The following CLSTN2 variants were observed in gnomAD, a reference collection of about 807,000 sequenced individuals.
CLSTN2 encodes the protein calsyntenin-2.
In CLSTN2, 48 loss-of-function variants were observed where a neutral mutation model predicts 101.2. That is an observed-to-expected ratio of 0.47 (90% CI 0.38 to 0.60). CLSTN2 has a LOEUF of 0.60. Ranked by LOEUF, CLSTN2 falls within the 20% of genes least tolerant of loss-of-function variation. The pLI is 0.00. For synonymous variants in CLSTN2, 481 were observed against 463.6 expected, an observed-to-expected ratio of 1.04 and a Z score of -0.48; for missense variants, 1,160 against 1,238.2, an observed-to-expected ratio of 0.94 and a Z score of 0.95.
chr3:140,078,864 A>G (rs755707641), intron 1 of CLSTN2, among the ~76,000 whole-genome samples: 1 of 152,208 alleles, frequency 6.6e-6, no homozygotes, highest in Admixed American at 6.5e-5. Flanking sequence ...ACTTTCTGCC[A>G]GACACAGCAG....
At chr3:140,319,227 T>C (rs1293489033) in intron 2 of CLSTN2, among the ~76,000 whole-genome samples, 1 of 152,178 alleles carries the variant, frequency 6.6e-6, no homozygotes, top group Non-Finnish European at 1.5e-5. Context: ...ACAAGACACC[T>C]AGAGCCAGGG....
At chr3:139,946,348 A>G (rs949486648) in intron 1 of CLSTN2, among the ~76,000 whole-genome samples, 6 of 152,188 alleles carry the variant, frequency 3.9e-5, no homozygotes, top group African/African-American at 1.4e-4. Context: ...TTATTTAATA[A>G]AAGGTACCCC....
chr3:140,174,086 C>T (rs548926664), intron 1 of CLSTN2, among the ~76,000 whole-genome samples: 1 of 152,184 alleles, frequency 6.6e-6, no homozygotes, highest in Non-Finnish European at 1.5e-5. Context: ...TCAAACTTAT[C>T]TGCTCTGTTT....
chr3:140,073,958 G>C (rs894514521), intron 1 of CLSTN2, among the ~76,000 whole-genome samples: 1 of 152,126 alleles, frequency 6.6e-6, no homozygotes, highest in African/African-American at 2.4e-5. Flanking sequence ...TCGGCTCTCT[G>C]GTGGTCAAGG....
chr3:140,135,136 AT>A (rs2009594950), intron 1 of CLSTN2, among the ~76,000 whole-genome samples: 1 of 117,234 alleles, frequency 8.5e-6, no homozygotes, highest in Admixed American at 7.8e-5. Context: ...ATATATATAT[AT>A]ATATATATAT....
chr3:140,500,365 T>C (rs1054551445), intron 8 of CLSTN2, among the ~76,000 whole-genome samples: 2 of 152,170 alleles, frequency 1.3e-5, no homozygotes, highest in Non-Finnish European at 2.9e-5. Flanking sequence ...AAATTAGGAA[T>C]GCACTCAGAA....
chr3:140,415,363 G>A (rs2088417407), intron 4 of CLSTN2, among the ~76,000 whole-genome samples: 1 of 151,748 alleles, frequency 6.6e-6, no homozygotes, highest in Non-Finnish European at 1.5e-5. Flanking sequence ...AAAAAGCTCT[G>A]CATAGTGAAG....
In CLSTN2 at chr3:140,539,957, C is replaced by A. The variant is rs141029472; in HGVS notation, c.1508-6558C>A. Among the ~76,000 whole-genome samples the A allele has an allele frequency of 2.2e-3, 342 of 152,292 alleles. 1 individual carries two copies. The highest frequency in any genetic ancestry group is 8.0e-3 in the African/African-American group (333 of 41,564). On this transcript the variant is annotated intron_variant, in intron 9 of 16. Transcript: ENST00000458420. ...TTCACACAGATTGAGCAGAGTCAAT[C>A]TGAGGACTAAAGATTGACAGGCCCA...
intron 2 of CLSTN2, among the ~76,000 whole-genome samples, chr3:140,177,071 T>A (rs1048280095): frequency 6.6e-6 from 1 of 152,204 alleles, no homozygotes; most frequent in Non-Finnish European, 1.5e-5. Flanking sequence ...GTAGTTATAT[T>A]AAATGGGGAA....
chr3:140,378,253 T>C (rs2087941569), intron 2 of CLSTN2, among the ~76,000 whole-genome samples: 1 of 152,232 alleles, frequency 6.6e-6, no homozygotes, highest in African/African-American at 2.4e-5. Flanking sequence ...TCTCAATGTA[T>C]ATAAATGACC....
chr3:140,149,702 C>G (rs1400849730), intron 1 of CLSTN2, among the ~76,000 whole-genome samples: 1 of 152,110 alleles, frequency 6.6e-6, no homozygotes, highest in Non-Finnish European at 1.5e-5. Context: ...TGTGATCCAC[C>G]CACCTTGACC....
intron 9 of CLSTN2, among the ~76,000 whole-genome samples, chr3:140,537,988 A>G (rs1248751062): frequency 2.0e-5 from 3 of 149,072 alleles, no homozygotes; most frequent in Admixed American, 6.7e-5. Context: ...TCCCCGTGCC[A>G]TGACCAGAGC....
Position 140,175,995 on chromosome 3 carries a change from A to T in CLSTN2, c.154A>T (p.Ile52Leu). ...PWIETSYHGV[I>L]TENNDTVILD... The stretch of plus-strand genomic sequence containing the variant: ...GATCGAGACTTCATATCATGGAGTC[A>T]TAACTGAGAACAATGACACAGTCAT... Residue 52 changes from isoleucine (I) to leucine (L), a missense_variant, in exon 2 of 17, where the codon ATA becomes TTA. Coordinates refer to ENST00000458420, the MANE Select transcript of CLSTN2 (RefSeq NM_022131.3). 1 of 1,613,568 alleles carries T rather than the reference A, an allele frequency of 6.2e-7. No homozygotes were observed. The highest frequency in any genetic ancestry group is 8.5e-7 in the Non-Finnish European group (1 of 1,179,550).
chr3:140,367,564 T>C (rs889985571), intron 2 of CLSTN2, among the ~76,000 whole-genome samples: 2 of 140,496 alleles, frequency 1.4e-5, no homozygotes, highest in African/African-American at 5.4e-5. Flanking sequence ...TACAGGGAAA[T>C]GTATTTGGAA....
intron 9 of CLSTN2, among the ~76,000 whole-genome samples, chr3:140,537,262 T>G (rs1405735794): frequency 6.6e-6 from 1 of 152,248 alleles, no homozygotes; most frequent in South Asian, 2.1e-4. Flanking sequence ...TCCTGGGAAC[T>G]GGCTCTAGCA....
chr3:140,122,803 A>G (rs1221555344), intron 1 of CLSTN2, among the ~76,000 whole-genome samples: 2 of 152,148 alleles, frequency 1.3e-5, no homozygotes, highest in African/African-American at 2.4e-5. Context: ...TGGGCTATAT[A>G]GTTGCGGTCA....
At chr3:140,500,686 G>A (rs547527870) in intron 8 of CLSTN2, among the ~76,000 whole-genome samples, 1 of 152,268 alleles carries the variant, frequency 6.6e-6, no homozygotes, top group East Asian at 1.9e-4. Context: ...AACCTCATAA[G>A]CTGCCTCTGA....
chr3:140,147,718 T>A (rs191641995), intron 1 of CLSTN2, among the ~76,000 whole-genome samples: 1 of 152,290 alleles, frequency 6.6e-6, no homozygotes, highest in African/African-American at 2.4e-5. Flanking sequence ...ACAGAAATGA[T>A]TTGCACAGTA....
At chr3:140,366,939 G>A (rs1559850050) in intron 2 of CLSTN2, among the ~76,000 whole-genome samples, 2 of 152,130 alleles carry the variant, frequency 1.3e-5, no homozygotes, top group African/African-American at 2.4e-5. Context: ...GCAGGGGCTC[G>A]GCAGCATCTG....
Sources: allele counts gnomAD v4.1 joint callset (sites outside exome capture counted in the v4.1 genomes callset), GRCh38; gene constraint gnomAD v4.1.1; transcripts MANE v1.5; gene names NCBI Gene and HGNC (gene_info 2026-07-23, HGNC 2026-07-21).